Variants in DYNC1I2 observed in about 807,000 individuals in gnomAD.
The protein encoded by DYNC1I2 is cytoplasmic dynein 1 intermediate chain 2.
A neutral mutation model predicts 88.6 loss-of-function variants in DYNC1I2; 53 were observed. The ratio of observed to expected loss-of-function variants is 0.60; its 90% CI spans 0.48 to 0.75. The LOEUF is 0.75. DYNC1I2 is among the 30% of genes least tolerant of loss of function. The probability of loss-of-function intolerance (pLI) is 0.00; values close to 1 mark genes in which losing one functional copy is unlikely to be tolerated. For synonymous variants in DYNC1I2, 198 were observed against 254.6 expected, an observed-to-expected ratio of 0.78 and a Z score of 2.12; for missense variants, 458 against 766.6, an observed-to-expected ratio of 0.60 and a Z score of 4.75.
chr2:171,739,700 T>C lies in DYNC1I2; in HGVS notation c.1537-4349T>C, dbSNP rs1452464036. Among the ~76,000 whole-genome samples, 519 of 122,196 alleles carry C rather than the reference T, an allele frequency of 4.2e-3. 8 individuals carry two copies. The highest frequency in any genetic ancestry group is 0.015 in the African/African-American group (485 of 31,950). The allele number at this position is 122,196 out of a possible 152,430, so 80.2% of individuals were successfully genotyped here. A position where few individuals can be genotyped will look rare whatever the true frequency, so the allele number is the denominator to read the frequency against. On this transcript the variant is annotated intron_variant, in intron 15 of 17. Coordinates refer to ENST00000397119, the MANE Select transcript of DYNC1I2 (RefSeq NM_001378.3). ...CCATTTGCGATTGACATATCTCTTT[T>C]TTTTTTTTTTTTTTTTTTTTTTTGA...
At chr2:171,718,671 T>G (rs191295163) in intron 7 of DYNC1I2, among the ~76,000 whole-genome samples, 2 of 151,000 alleles carry the variant, frequency 1.3e-5, no homozygotes, top group Non-Finnish European at 3.0e-5. Flanking sequence ...CTGACCTCGT[T>G]ATCCGCCCGC....
At chr2:171,688,952 T>C (rs563495814) in intron 1 of DYNC1I2, among the ~76,000 whole-genome samples, 4 of 152,216 alleles carry the variant, frequency 2.6e-5, no homozygotes, top group African/African-American at 4.8e-5. Context: ...GTCAATCATG[T>C]GGAGAAGGTA....
At chr2:171,714,231 C>T (rs1360628281) in intron 6 of DYNC1I2, among the ~76,000 whole-genome samples, 1 of 151,742 alleles carries the variant, frequency 6.6e-6, no homozygotes, top group Admixed American at 6.6e-5. Context: ...CTAGAAAAGA[C>T]ATTAAAAAAT....
At chr2:171,707,611 G>T (rs938163405) in intron 5 of DYNC1I2, among the ~76,000 whole-genome samples, 1 of 151,648 alleles carries the variant, frequency 6.6e-6, no homozygotes, top group Non-Finnish European at 1.5e-5. Context: ...ATAGTCAACC[G>T]GTTTTATGCT....
chr2:171,744,943 G>T (rs1376643546), intron 16 of DYNC1I2, among the ~76,000 whole-genome samples: 1 of 152,064 alleles, frequency 6.6e-6, no homozygotes, highest in Admixed American at 6.6e-5. Flanking sequence ...TAGCTAGAAT[G>T]GTACCAATTC....
chr2:171,735,658 A>T lies in DYNC1I2; in HGVS notation c.1536+5805A>T, dbSNP rs562037111. Among the ~76,000 whole-genome samples the T allele has an allele frequency of 5.3e-5, 8 of 152,326 alleles. No individual in the cohort carries two copies. The South Asian group carries it at 1.7e-3, about 32-fold the overall frequency. ...ATTTAAAAGACTCTGTTGCCATCTCAAAATACCAAATTTTAAATTCACAAC... is the reference window on the plus strand; with the variant it reads ...ATTTAAAAGACTCTGTTGCCATCTCTAAATACCAAATTTTAAATTCACAAC... On this transcript the variant is annotated intron_variant, in intron 15 of 17. Transcript: ENST00000397119.
intron 3 of DYNC1I2, among the ~76,000 whole-genome samples, chr2:171,705,807 T>G (rs948491859): frequency 6.6e-6 from 1 of 152,120 alleles, no homozygotes; most frequent in African/African-American, 2.4e-5. Context: ...GGTCTTATAG[T>G]TGTTTCTGAC....
At chr2:171,740,130 T>C (rs1312853923) in intron 15 of DYNC1I2, among the ~76,000 whole-genome samples, 1 of 152,078 alleles carries the variant, frequency 6.6e-6, no homozygotes, top group East Asian at 1.9e-4. Flanking sequence ...TCCTGTAGGG[T>C]TTCTCAGTCT....
chr2:171,718,140 A>G (rs2105624319), intron 7 of DYNC1I2, among the ~76,000 whole-genome samples: 1 of 151,910 alleles, frequency 6.6e-6, no homozygotes, highest in South Asian at 2.1e-4. Flanking sequence ...TATTTTTGGT[A>G]GACTTGGGGG....
intron 4 of DYNC1I2, 105 bp downstream of exon 4, chr2:171,706,669 C>G: frequency 9.5e-7 from 1 of 1,048,406 alleles, no homozygotes; most frequent in Non-Finnish European, 1.4e-6. Flanking sequence ...TTGCATTTTT[C>G]ACCCAAATTG....
chr2:171,724,041 G>A (rs1688076477), intron 7 of DYNC1I2, among the ~76,000 whole-genome samples: 1 of 152,046 alleles, frequency 6.6e-6, no homozygotes, highest in Middle Eastern at 3.2e-3. Flanking sequence ...TCACCATTTG[G>A]TTCAAAAGTA....
chr2:171,719,413 G>T (rs1320731439), intron 7 of DYNC1I2, among the ~76,000 whole-genome samples: 1 of 152,154 alleles, frequency 6.6e-6, no homozygotes, highest in African/African-American at 2.4e-5. Context: ...TGGAAACACT[G>T]TGCGCTTAAC....
At chr2:171,709,730 T>C (rs1469897569) in intron 5 of DYNC1I2, among the ~76,000 whole-genome samples, 1 of 152,234 alleles carries the variant, frequency 6.6e-6, no homozygotes, top group Non-Finnish European at 1.5e-5. Flanking sequence ...TTTCTTTTTT[T>C]CTTTGAGATG....
chr2:171,688,533 C>T (rs1313435276), intron 1 of DYNC1I2: 1 of 152,028 alleles, frequency 6.6e-6, no homozygotes, highest in Non-Finnish European at 1.5e-5. Context: ...AAGTTCTCTT[C>T]ACCAGCCGTT....
rs1045639102 is a variant in DYNC1I2, at chr2:171,749,208, A to C, written c.*1319A>C. 1.3e-5 allele frequency among the ~76,000 whole-genome samples: 2 copies of C among 152,150 alleles called. No homozygotes were observed. The highest frequency in any genetic ancestry group is 2.4e-5 in the African/African-American group (1 of 41,456). The stretch of plus-strand genomic sequence containing the variant: ...GGCCCCAAACTCTGATTCTTGCTGA[A>C]GCATCTATGAGAAGTGTGATTTTAG... On this transcript the variant is annotated 3_prime_UTR_variant, in exon 18 of 18. Transcript: ENST00000397119.
chr2:171,747,694 T>C (rs904970787), intron 17 of DYNC1I2, 82 bp from the exon 18 acceptor site: 2 of 959,012 alleles, frequency 2.1e-6, no homozygotes, highest in African/African-American at 3.3e-5. Flanking sequence ...AACAGAAAAA[T>C]TATTTGAAAA....
At chr2:171,741,920 A>G (rs543378958) in intron 15 of DYNC1I2, among the ~76,000 whole-genome samples, 30 of 152,164 alleles carry the variant, frequency 2.0e-4, no homozygotes, top group Non-Finnish European at 3.8e-4. Context: ...CTTCTCTACT[A>G]AAAATACAAA....
intron 2 of DYNC1I2, 36 bp from the exon 3 acceptor site, chr2:171,692,741 A>G (rs1175798296): frequency 1.2e-5 from 17 of 1,460,166 alleles, no homozygotes; most frequent in Middle Eastern, 4.8e-4. Context: ...TTTTCATACT[A>G]TATGTAAACA....
chr2:171,741,469 T>C (rs142567351), intron 15 of DYNC1I2, among the ~76,000 whole-genome samples: 187 of 152,368 alleles, frequency 1.2e-3, no homozygotes, highest in African/African-American at 4.3e-3. Flanking sequence ...CCTAGTGGTA[T>C]GAAGTGATAC....
Sources: gnomAD v4.1 joint callset for allele counts (sites outside exome capture counted in the v4.1 genomes callset) on GRCh38, gnomAD v4.1.1 for gene constraint, MANE v1.5 for transcripts, NCBI Gene and HGNC (gene_info 2026-07-23, HGNC 2026-07-21) for gene names.